Variants in TIAM1 observed in about 807,000 individuals in gnomAD.
TIAM1 encodes the protein TIAM Rac1 associated GEF 1.
Under a neutral mutation model 163.5 loss-of-function variants are expected in TIAM1, and 65 were observed. The observed-to-expected ratio is 0.40, with a 90% CI of 0.33 to 0.49. The LOEUF is 0.49. TIAM1 is among the 20% of genes least tolerant of loss of function. TIAM1 has a pLI of 0.77. For synonymous variants in TIAM1, 833 were observed against 810.1 expected (o/e 1.03, Z -0.48); for missense variants, 1,789 against 2,044.7 (o/e 0.87, Z 2.41).
intron 6 of TIAM1, among the ~76,000 whole-genome samples, chr21:31,234,426 T>C (rs1356114060): frequency 6.6e-6 from 1 of 151,324 alleles, no homozygotes; most frequent in African/African-American, 2.4e-5. Flanking sequence ...GAAAGCTTCT[T>C]TTAGGAATTA....
intron 6 of TIAM1, among the ~76,000 whole-genome samples, chr21:31,244,958 A>T (rs969078580): frequency 3.3e-5 from 5 of 152,092 alleles, no homozygotes; most frequent in African/African-American, 7.2e-5. Flanking sequence ...GCAGAGAAGT[A>T]TTTTTTTTAA....
chr21:31,252,014 C>G lies in TIAM1; in HGVS notation c.1139G>C (p.Arg380Pro), dbSNP rs760273681. 2 of 1,613,952 alleles carry G rather than the reference C, an allele frequency of 1.2e-6. No homozygotes were observed. Among genetic ancestry groups the G allele is most frequent in the South Asian group, 1.1e-5 (1 of 91,080 alleles). Reference sequence around the variant, plus strand: ...CCGGAAGTTCTCGTACACCCCCTGACGAGCCGCATCCCCGGTGGAGCTGCT... The same window carrying G: ...CCGGAAGTTCTCGTACACCCCCTGAGGAGCCGCATCCCCGGTGGAGCTGCT... ...SGSSSTGDAARQGVYENFRRE... is the reference protein window; with the variant it reads ...SGSSSTGDAAPQGVYENFRRE... Residue 380 changes from arginine to proline, a missense_variant, in exon 5 of 28, where the codon CGT becomes CCT. By Grantham distance (103) the Arg-to-Pro change is moderately radical. Transcript: ENST00000541036.
intron 19 of TIAM1, among the ~76,000 whole-genome samples, chr21:31,148,795 G>A (rs1187969589): frequency 2.6e-5 from 4 of 152,160 alleles, no homozygotes; most frequent in Non-Finnish European, 5.9e-5. Flanking sequence ...TTTCTGTTCT[G>A]TAGGACTTCA....
At chr21:31,222,707 A>ATTTTT (rs527864043) in intron 8 of TIAM1, among the ~76,000 whole-genome samples, 9 of 32,884 alleles carry the variant, frequency 2.7e-4, no homozygotes, top group African/African-American at 6.8e-4. Flanking sequence ...ATATATATAT[A>ATTTTT]TTTTTTTTTT....
rs569183534 is a variant in TIAM1 at position 31,510,097 on chromosome 21, T to TG, written c.-421-46063dup. On this transcript the variant is annotated intron_variant, in intron 1 of 28. Transcript: ENST00000286827. ...AGTCCTAACCCGGGGTACCCGTAAA[T>TG]GTAACTGCATCAGTTTGCTAGGCTT... 6.4e-3 allele frequency among the ~76,000 whole-genome samples: 971 copies of TG among 152,294 alleles called. 9 individuals are homozygous for TG. Among genetic ancestry groups the TG allele is most frequent in the Non-Finnish European group, 8.0e-3 (543 of 68,030 alleles).
chr21:31,256,588 T>TCCACACAC (rs71318263), intron 4 of TIAM1, among the ~76,000 whole-genome samples: 1 of 128,162 alleles, frequency 7.8e-6, no homozygotes, highest in Admixed American at 8.1e-5. Flanking sequence ...TACCCCTCAC[T>TCCACACAC]ACACACACAC....
intron 2 of TIAM1, among the ~76,000 whole-genome samples, chr21:31,336,475 G>A (rs906144443): frequency 7.0e-6 from 1 of 143,654 alleles, no homozygotes; most frequent in Non-Finnish European, 1.5e-5. Flanking sequence ...ACAATTTTTA[G>A]AATTGCCCCT....
chr21:31,485,829 G>A (rs1335362613), intron 1 of TIAM1, among the ~76,000 whole-genome samples: 1 of 152,142 alleles, frequency 6.6e-6, no homozygotes, highest in Admixed American at 6.5e-5. Flanking sequence ...CTACCTGAGG[G>A]GTAGGTGCTA....
At chr21:31,397,745 A>G (rs2077097321) in intron 2 of TIAM1, among the ~76,000 whole-genome samples, 1 of 152,336 alleles carries the variant, frequency 6.6e-6, no homozygotes, top group Non-Finnish European at 1.5e-5. Context: ...ATACAGAAAG[A>G]AACGCTTTCA....
chr21:31,254,597 G>T (rs1251968825), intron 4 of TIAM1, among the ~76,000 whole-genome samples: 2 of 152,224 alleles, frequency 1.3e-5, no homozygotes, highest in Admixed American at 1.3e-4. Context: ...TCGGGAGGTT[G>T]AGGCAGGTGG....
intron 1 of TIAM1, among the ~76,000 whole-genome samples, chr21:31,466,522 G>C (rs898830119): frequency 2.0e-5 from 3 of 152,150 alleles, no homozygotes; most frequent in Non-Finnish European, 4.4e-5. Context: ...CTGAGAAGGG[G>C]GCTCAGAGAA....
intron 2 of TIAM1, among the ~76,000 whole-genome samples, chr21:31,414,051 G>C (rs2043294960): frequency 6.6e-6 from 1 of 152,196 alleles, no homozygotes; most frequent in Non-Finnish European, 1.5e-5. Flanking sequence ...TTAGGATTTG[G>C]TTCAACTCTG....
At chr21:31,240,112 T>C (rs941016331) in intron 6 of TIAM1, among the ~76,000 whole-genome samples, 1 of 152,158 alleles carries the variant, frequency 6.6e-6, no homozygotes, top group African/African-American at 2.4e-5. Flanking sequence ...TATGTCCCAG[T>C]TGGCCTGGGA....
At chr21:31,376,797 T>C (rs936305390) in intron 2 of TIAM1, among the ~76,000 whole-genome samples, 8 of 151,964 alleles carry the variant, frequency 5.3e-5, no homozygotes, top group African/African-American at 1.7e-4. Context: ...GGAGCTCCAA[T>C]CTAGAAAGCA....
intron 2 of TIAM1, among the ~76,000 whole-genome samples, chr21:31,443,753 G>C (rs1226902562): frequency 6.6e-6 from 1 of 152,140 alleles, no homozygotes; most frequent in African/African-American, 2.4e-5. Flanking sequence ...ATATTTTATA[G>C]CCATGGTTTC....
chr21:31,504,348 C>A (rs1046101829), intron 1 of TIAM1, among the ~76,000 whole-genome samples: 6 of 152,198 alleles, frequency 3.9e-5, no homozygotes, highest in Non-Finnish European at 7.3e-5. Flanking sequence ...GAATCCAACC[C>A]TTTGGGGTAA....
chr21:31,361,411 A>G (rs2076404004), intron 2 of TIAM1, among the ~76,000 whole-genome samples: 1 of 152,122 alleles, frequency 6.6e-6, no homozygotes, highest in South Asian at 2.1e-4. Flanking sequence ...GCAGGGAGAA[A>G]ATTGTGATTG....
At position 31,130,277 on chromosome 21, in the gene TIAM1, G is replaced by A. The variant is rs1386173258; in HGVS notation, c.3981C>T (p.Asp1327=). Reference sequence around the variant, plus strand: ...GGATCATGTGTCGAAATCTGAAGGGGTCCCAGTCCTCATAAATGGAAAGCC... The same window carrying A: ...GGATCATGTGTCGAAATCTGAAGGGATCCCAGTCCTCATAAATGGAAAGCC... ...SHRLSIYEDW[D]PFRFRHMIPT... The change falls in exon 25 of 28, where the codon GAC becomes GAT. Residue 1327 remains aspartate (D), a synonymous_variant. Transcript: ENST00000541036. 1.9e-6 allele frequency: 3 copies of A among 1,613,962 alleles called. No homozygotes were observed. In the African/African-American group the frequency reaches 4.0e-5, roughly 22 times the overall value.
chr21:31,475,932 G>C (rs2045922910), intron 1 of TIAM1, among the ~76,000 whole-genome samples: 1 of 152,198 alleles, frequency 6.6e-6, no homozygotes, highest in Non-Finnish European at 1.5e-5. Flanking sequence ...GAAGGATAAA[G>C]AGTGTAGATA....
Sources: allele counts gnomAD v4.1 joint callset (sites outside exome capture counted in the v4.1 genomes callset), GRCh38; gene constraint gnomAD v4.1.1; transcripts MANE v1.5; gene names NCBI Gene and HGNC (gene_info 2026-07-23, HGNC 2026-07-21).